The following RBM20 variants were observed in gnomAD, a reference collection of about 807,000 sequenced individuals.
RBM20 encodes RNA-binding protein 20.
Under a neutral mutation model 110.1 loss-of-function variants are expected in RBM20, and 51 were observed. That is an observed-to-expected ratio of 0.46 (90% CI 0.37 to 0.59). The LOEUF is 0.59. Ranked by LOEUF, RBM20 falls within the 20% of genes least tolerant of loss-of-function variation. The pLI, the probability that RBM20 is intolerant of heterozygous loss-of-function variation, is 0.00. For synonymous variants in RBM20, 589 were observed against 618.2 expected (o/e 0.95, Z 0.70); for missense variants, 1,512 against 1,574.9 (o/e 0.96, Z 0.68).
chr10:110,835,846 AC>A (rs1384959736), intron 13 of RBM20, 21 bp from the exon 14 acceptor site: 12 of 1,550,026 alleles, frequency 7.7e-6, no homozygotes, highest in Non-Finnish European at 9.6e-6. Flanking sequence ...CCCTTCCTCC[AC>A]TTCCCCTCTT....
rs1246312358 is a variant in RBM20 at position 110,812,633 on chromosome 10, C to T, written c.2236C>T (p.Pro746Ser). 3 of 1,551,666 alleles carry T rather than the reference C, an allele frequency of 1.9e-6. No homozygotes were observed. Among genetic ancestry groups the T allele is most frequent in the Non-Finnish European group, 2.6e-6 (3 of 1,147,000 alleles). Residue 746 changes from proline (P) to serine (S), a missense_variant, in exon 9 of 14, where the codon CCC (proline) becomes TCC (serine). Physicochemically the swap from Pro to Ser is moderately conservative, Grantham distance 74. Coordinates refer to ENST00000369519, the MANE Select transcript of RBM20 (RefSeq NM_001134363.3). Reference sequence around the variant, plus strand: ...CCCGAGATCTGGGTCTCCCAACCTGCCCCACTCTGTGTCCAGCTACAAAAG... The same window carrying T: ...CCCGAGATCTGGGTCTCCCAACCTGTCCCACTCTGTGTCCAGCTACAAAAG... ...KYPRSGSPNL[P>S]HSVSSYKSRE... is the part of the protein sequence containing the mutation.
At chr10:110,697,977 G>A (rs1203605890) in intron 1 of RBM20, among the ~76,000 whole-genome samples, 3 of 150,012 alleles carry the variant, frequency 2.0e-5, no homozygotes, top group East Asian at 2.0e-4. Context: ...GTGCGATGTC[G>A]GCTCACTGCA....
Position 110,736,814 on chromosome 10 carries a change from G to A in RBM20, c.192-43987G>A, listed in dbSNP as rs556463104. On this transcript the variant is annotated intron_variant, in intron 1 of 13. Coordinates refer to ENST00000369519, the MANE Select transcript of RBM20 (RefSeq NM_001134363.3). Reference sequence around the variant, plus strand: ...TTGAAACCTGATCCCCAAGATGGTGGTATTAAGAGGTGGAGCCTTTGGGAA... The same window carrying A: ...TTGAAACCTGATCCCCAAGATGGTGATATTAAGAGGTGGAGCCTTTGGGAA... Among the ~76,000 whole-genome samples, 40 of 152,246 alleles carry A rather than the reference G, an allele frequency of 2.6e-4. No homozygotes were observed. In the Middle Eastern group the frequency reaches 0.01, roughly 39 times the overall value.
intron 1 of RBM20, among the ~76,000 whole-genome samples, chr10:110,693,680 A>G (rs1274261855): frequency 6.6e-6 from 1 of 152,208 alleles, no homozygotes; most frequent in Non-Finnish European, 1.5e-5. Context: ...GCTTGTATAT[A>G]TGATTGTTAA....
At chr10:110,804,787 T>C (rs367611417) in intron 7 of RBM20, among the ~76,000 whole-genome samples, 2 of 152,372 alleles carry the variant, frequency 1.3e-5, no homozygotes, top group South Asian at 2.1e-4. Context: ...ATCTCTCTGA[T>C]GCAGAAGTGA....
rs1321991739 is a variant in RBM20 at position 110,781,759 on chromosome 10, G to A, written c.1150G>A (p.Glu384Lys). ...GFIGAGRRAK[E>K]DQALLSVRPL... ...TATCGGTGCTGGGCGGAGGGCCAAGGAGGACCAGGCGTTGCTATCTGTGCG... is the reference window on the plus strand; with the variant it reads ...TATCGGTGCTGGGCGGAGGGCCAAGAAGGACCAGGCGTTGCTATCTGTGCG... Residue 384 changes from glutamate to lysine, a missense_variant, in exon 2 of 14, where the codon GAG becomes AAG. Transcript: ENST00000369519. 1 of 1,551,874 alleles carries A rather than the reference G, an allele frequency of 6.4e-7. No homozygotes were observed. The highest frequency in any genetic ancestry group is 8.7e-7 in the Non-Finnish European group (1 of 1,147,036).
chr10:110,783,317 C>A, intron 2 of RBM20, 49 bp from the exon 3 acceptor site: 1 of 1,442,168 alleles, frequency 6.9e-7, no homozygotes, highest in Non-Finnish European at 9.5e-7. Flanking sequence ...CCTTTGCCTT[C>A]CCATGGACTC....
chr10:110,703,698 C>T (rs542886703), intron 1 of RBM20, among the ~76,000 whole-genome samples: 1 of 152,344 alleles, frequency 6.6e-6, no homozygotes, highest in East Asian at 1.9e-4. Flanking sequence ...ATAGTTCCAT[C>T]ACAAGGATCT....
intron 1 of RBM20, among the ~76,000 whole-genome samples, chr10:110,681,830 G>C (rs2134860484): frequency 6.6e-6 from 1 of 150,462 alleles, no homozygotes; most frequent in Non-Finnish European, 1.5e-5. Flanking sequence ...ACATTTTTCA[G>C]ATTTCAACAG....
chr10:110,699,177 A>C (rs560149482), intron 1 of RBM20, among the ~76,000 whole-genome samples: 6 of 151,580 alleles, frequency 4.0e-5, no homozygotes, highest in Non-Finnish European at 7.4e-5. Context: ...GTGATGATGG[A>C]GATCCGGCAG....
intron 1 of RBM20, among the ~76,000 whole-genome samples, chr10:110,711,059 C>T (rs761390816): frequency 2.0e-5 from 3 of 151,822 alleles, no homozygotes; most frequent in Non-Finnish European, 2.9e-5. Flanking sequence ...TTGTGGGGTG[C>T]GTGTGTGATT....
At chr10:110,823,194 G>A (rs1056140395) in intron 11 of RBM20, among the ~76,000 whole-genome samples, 23 of 152,030 alleles carry the variant, frequency 1.5e-4, no homozygotes, top group African/African-American at 5.3e-4. Context: ...GGTGGGGGGT[G>A]GATCTTCTCA....
Position 110,812,917 on chromosome 10 carries a change from T to C in RBM20, c.2520T>C (p.Asp840=). The part of the protein sequence containing the change: ...RTDRDQEGAD[D]RKENTMAENE... ...ATAGAGACCAAGAAGGAGCTGATGA[T>C]AGAAAAGAAAACACAATGGCAGAGA... The change falls in exon 9 of 14, where the codon GAT becomes GAC. Residue 840 remains aspartate, a synonymous_variant. Transcript: ENST00000369519. The C allele has an allele frequency of 6.9e-7, 1 of 1,452,620 alleles. No homozygotes were observed. The highest frequency in any genetic ancestry group is 1.5e-5 in the South Asian group (1 of 65,852). 90.0% of individuals were successfully genotyped at this position (1,452,620 alleles called of 1,614,324 possible).
At chr10:110,658,024 T>G (rs1210081884) in intron 1 of RBM20, among the ~76,000 whole-genome samples, 2 of 152,260 alleles carry the variant, frequency 1.3e-5, no homozygotes, top group Non-Finnish European at 2.9e-5. Context: ...CTCATTAGTT[T>G]TTTTTTCTTC....
chr10:110,673,066 TAAA>T (rs1220215657), intron 1 of RBM20, among the ~76,000 whole-genome samples: 1 of 152,208 alleles, frequency 6.6e-6, no homozygotes, highest in African/African-American at 2.4e-5. Flanking sequence ...TTATTTTCAT[TAAA>T]AAATTCTGCA....
intron 1 of RBM20, among the ~76,000 whole-genome samples, chr10:110,680,923 CTTCT>C (rs1323026249): frequency 2.6e-5 from 4 of 152,196 alleles, no homozygotes; most frequent in Non-Finnish European, 4.4e-5. Flanking sequence ...TTCTTTTCCA[CTTCT>C]TTCTTCTTCA....
chr10:110,684,853 C>G (rs751678927), intron 1 of RBM20, among the ~76,000 whole-genome samples: 1 of 152,114 alleles, frequency 6.6e-6, no homozygotes, highest in Non-Finnish European at 1.5e-5. Flanking sequence ...CAGATGTAGA[C>G]CTCTTGAAGC....
chr10:110,800,612 G>A (rs1205694364), intron 7 of RBM20, among the ~76,000 whole-genome samples: 1 of 152,134 alleles, frequency 6.6e-6, no homozygotes, highest in East Asian at 1.9e-4. Context: ...ATAGAATATG[G>A]ACAGCATCCA....
intron 1 of RBM20, among the ~76,000 whole-genome samples, chr10:110,699,573 T>C (rs1374281217): frequency 6.6e-6 from 1 of 151,952 alleles, no homozygotes; most frequent in East Asian, 1.9e-4. Flanking sequence ...CACACAGCCG[T>C]TTAAAAAAAC....
Sources: allele counts gnomAD v4.1 joint callset (sites outside exome capture counted in the v4.1 genomes callset), GRCh38; gene constraint gnomAD v4.1.1; transcripts MANE v1.5; gene names NCBI Gene and HGNC (gene_info 2026-07-23, HGNC 2026-07-21).